Variants in MYBPC2 observed in about 807,000 individuals in gnomAD.
The protein encoded by MYBPC2 is myosin binding protein C2.
Under a neutral mutation model 137.0 loss-of-function variants are expected in MYBPC2, and 122 were observed. The ratio of observed to expected loss-of-function variants is 0.89; its 90% CI spans 0.77 to 1.03. The LOEUF (loss-of-function observed/expected upper bound fraction) is 1.03, where lower values mean the gene tolerates loss of function less well. Among genes scored for constraint, MYBPC2 ranks in the 50% least tolerant of loss-of-function variants. The pLI, the probability that MYBPC2 is intolerant of heterozygous loss-of-function variation, is 0.00. For synonymous variants in MYBPC2, 626 were observed against 612.3 expected, an observed-to-expected ratio of 1.02 and a Z score of -0.33; for missense variants, 1,500 against 1,534.4, an observed-to-expected ratio of 0.98 and a Z score of 0.37.
At chr19:50,461,808 T>G in intron 25 of MYBPC2, 92 bp from the exon 26 acceptor site, 6 of 1,582,310 alleles carry the variant, frequency 3.8e-6, no homozygotes, top group Non-Finnish European at 5.2e-6. Flanking sequence ...CGGCACCTAG[T>G]CATGGGAGAG....
In MYBPC2 at chr19:50,450,877, C is replaced by CTA. The variant is rs764445302; in HGVS notation, c.1522_1523dup (p.Phe510ArgfsTer54). Reference sequence around the variant, plus strand: ...ACGTCCGCCCCGAGGATGAGGGAGACTACACGTTTGTGCCTGACGGCTACG... The same window carrying CTA: ...ACGTCCGCCCCGAGGATGAGGGAGACTATACACGTTTGTGCCTGACGGCTACG... On this transcript the variant is annotated frameshift_variant, in exon 14 of 28. Transcript: ENST00000357701. LOFTEE classifies it high-confidence loss of function. 28 of 1,580,966 alleles carry CTA rather than the reference C, an allele frequency of 1.8e-5. No homozygotes were observed. The Middle Eastern group carries it at 5.0e-4, about 28-fold the overall frequency.
At chr19:50,442,339 C>A (rs372271481) in intron 9 of MYBPC2, 26 bp downstream of exon 9, 10 of 1,602,938 alleles carry the variant, frequency 6.2e-6, no homozygotes, top group Middle Eastern at 1.6e-4. Context: ...GCAGTCCCTG[C>A]ACCGGGGAGA....
chr19:50,448,069 G>A (rs1601288283), intron 12 of MYBPC2, among the ~76,000 whole-genome samples, 156 bp from the exon 13 acceptor site: 1 of 152,074 alleles, frequency 6.6e-6, no homozygotes, highest in Admixed American at 6.6e-5. Flanking sequence ...TCTCCCACTA[G>A]CATGGGAGCT....
chr19:50,452,532 C>CTATG (rs2039871154), intron 16 of MYBPC2, among the ~76,000 whole-genome samples: 1 of 151,496 alleles, frequency 6.6e-6, no homozygotes, highest in African/African-American at 2.4e-5. Context: ...ATCTATCTAT[C>CTATG]TATCTATGTA....
chr19:50,436,137 G>C lies in MYBPC2; in HGVS notation c.322G>C (p.Glu108Gln), dbSNP rs1270908165. 1.3e-6 allele frequency: 2 copies of C among 1,582,598 alleles called. No individual in the cohort carries two copies. The highest frequency in any genetic ancestry group is 2.3e-5 in the South Asian group (2 of 86,218). Residue 108 changes from glutamate (E) to glutamine (Q), a missense_variant, in exon 4 of 28, where the codon GAG (glutamate) becomes CAG (glutamine). Physicochemically the swap from Glu to Gln is conservative, Grantham distance 29. Transcript: ENST00000357701. ...SKSGARFSFK[E>Q]SHNSASNVYT... is the part of the protein sequence containing the mutation. ...GAGTGGCGCCCGCTTCTCCTTCAAG[G>C]AGTCCCACAACTCCGCCAGCAATGT...
intron 26 of MYBPC2, among the ~76,000 whole-genome samples, 160 bp downstream of exon 26, chr19:50,462,196 T>C (rs1249006635): frequency 2.0e-5 from 3 of 152,048 alleles, no homozygotes; most frequent in Non-Finnish European, 2.9e-5. Context: ...TTTGATTTTT[T>C]TTTTTTTTGA....
chr19:50,461,293 C>T (rs1051657482), intron 24 of MYBPC2, among the ~76,000 whole-genome samples: 5 of 152,200 alleles, frequency 3.3e-5, no homozygotes, highest in African/African-American at 9.6e-5. Context: ...GCATGAGCCA[C>T]GGTGCCTGAC....
chr19:50,452,546 A>G (rs1044097965), intron 16 of MYBPC2, among the ~76,000 whole-genome samples: 3 of 151,600 alleles, frequency 2.0e-5, no homozygotes, highest in Non-Finnish European at 2.9e-5. Context: ...CTATGTATCT[A>G]TCTATCTATC....
At position 50,462,663 on chromosome 19, in the gene MYBPC2, G is replaced by A. The variant is rs545439555; in HGVS notation, c.3228+627G>A. Among the ~76,000 whole-genome samples, 43 of 151,714 alleles carry A rather than the reference G, an allele frequency of 2.8e-4. No individual in the cohort carries two copies. The South Asian group carries it at 7.1e-3, about 25-fold the overall frequency. The stretch of plus-strand genomic sequence containing the variant: ...GGTGCGATCTTGGCTCACTGCAACC[G>A]CCTCCCAAGTTCAAGCGATTCTCCT... On this transcript the variant is annotated intron_variant, in intron 26 of 27. Transcript: ENST00000357701.
rs144932277 is a variant in MYBPC2 at position 50,435,487 on chromosome 19, G to A, written c.109+237G>A. 7.5e-3 allele frequency among the ~76,000 whole-genome samples: 1,146 copies of A among 152,274 alleles called. 18 individuals are homozygous for A. Among genetic ancestry groups the A allele is most frequent in the African/African-American group, 0.026 (1,093 of 41,544 alleles). On this transcript the variant is annotated intron_variant, in intron 2 of 27. Coordinates refer to ENST00000357701, the MANE Select transcript of MYBPC2 (RefSeq NM_004533.4). The surrounding 1 kb of genome is among the most constrained non-coding windows in gnomAD (Gnocchi z 4.8). Reference sequence around the variant, plus strand: ...AGCTGGCTGATTGATCACCAGGTCCGGCCCCGGTCTCTCTAAACCTCTCCC... The same window carrying A: ...AGCTGGCTGATTGATCACCAGGTCCAGCCCCGGTCTCTCTAAACCTCTCCC...
chr19:50,433,014 C>G (rs2122571185), intron 1 of MYBPC2, 42 bp downstream of exon 1: 1 of 1,554,672 alleles, frequency 6.4e-7, no homozygotes, highest in East Asian at 2.3e-5. Flanking sequence ...TGGGGCTCTT[C>G]TTTTCTGGAT....
At position 50,435,166 on chromosome 19, in the gene MYBPC2, A is replaced by C. The variant is rs776741299; in HGVS notation, c.25A>C (p.Lys9Gln). The change falls in exon 2 of 28, where the codon AAA (lysine) becomes CAA (glutamine). Residue 9 changes from lysine to glutamine, a missense_variant. By Grantham distance (53) the Lys-to-Gln change is moderately conservative. Transcript: ENST00000357701. The surrounding 1 kb of genome is among the most constrained non-coding windows in gnomAD (Gnocchi z 4.8). ...GACTGTCCCCTACCTTACAGCGGCC[A>C]AAAAGGCCCCCAAAGGCAAAGATGC... Reference protein sequence around the residue: MPEAKPAAKKAPKGKDAPK... With the variant: MPEAKPAAQKAPKGKDAPK... 1 of 1,315,682 alleles carries C rather than the reference A, an allele frequency of 7.6e-7. No homozygotes were observed. The allele number at this position is 1,315,682 out of a possible 1,614,324, so 81.5% of individuals were successfully genotyped here. A position where few individuals can be genotyped will look rare whatever the true frequency, so the allele number is the denominator to read the frequency against.
chr19:50,464,246 G>C (rs2039994482), intron 26 of MYBPC2, 100 bp from the exon 27 acceptor site: 1 of 1,057,398 alleles, frequency 9.5e-7, no homozygotes, highest in Admixed American at 2.6e-5. Context: ...GCAAGAGGGT[G>C]GCAGAGCCTA....
At position 50,454,284 on chromosome 19, in the gene MYBPC2, G is replaced by A. The variant is rs2039887871; in HGVS notation, c.1929G>A (p.Glu643=). Residue 643 remains glutamate (E), a synonymous_variant, in exon 18 of 28, where the codon GAG becomes GAA. Coordinates refer to ENST00000357701, the MANE Select transcript of MYBPC2 (RefSeq NM_004533.4). Reference sequence around the variant, plus strand: ...CTGCAGATGTCCCAGACCCCCCGGAGGCTGTGCGCATCACCTCGGTTGGAG... The same window carrying A: ...CTGCAGATGTCCCAGACCCCCCGGAAGCTGTGCGCATCACCTCGGTTGGAG... ...LQVVDVPDPP[E]AVRITSVGED... The A allele has an allele frequency of 6.2e-7, 1 of 1,613,978 alleles. No individual in the cohort carries two copies. The highest frequency in any genetic ancestry group is 1.3e-5 in the African/African-American group (1 of 75,036).
At position 50,458,742 on chromosome 19, in the gene MYBPC2, A is replaced by C. The variant is rs1334805675; in HGVS notation, c.2494A>C (p.Arg832=). The change falls in exon 21 of 28, where the codon AGG becomes CGG. Residue 832 remains arginine (R), a synonymous_variant. Coordinates refer to ENST00000357701, the MANE Select transcript of MYBPC2 (RefSeq NM_004533.4). ...PATLAQPVTI[R]EIAEPPKIRL... is the part of the protein sequence containing the mutation. Reference sequence around the variant, plus strand: ...CACCCTGGCCCAGCCGGTCACCATCAGGGAGATTGCGGGTGCGTGGCCCCT... The same window carrying C: ...CACCCTGGCCCAGCCGGTCACCATCCGGGAGATTGCGGGTGCGTGGCCCCT... The C allele has an allele frequency of 1.9e-6, 3 of 1,608,070 alleles. No individual in the cohort carries two copies. Among genetic ancestry groups the C allele is most frequent in the African/African-American group, 2.7e-5 (2 of 74,922 alleles).
intron 1 of MYBPC2, 103 bp downstream of exon 1, chr19:50,433,075 G>C: frequency 7.2e-7 from 1 of 1,382,248 alleles, no homozygotes; most frequent in Non-Finnish European, 9.6e-7. Flanking sequence ...AGGAACCTTC[G>C]CTGTGTGAGG....
chr19:50,435,932 C>G lies in MYBPC2; in HGVS notation c.196+70C>G. The G allele has an allele frequency of 6.5e-7, 1 of 1,548,192 alleles. No individual in the cohort carries two copies. ...GGTCTGAGGGAGGAGGGGCCAGGGT[C>G]TCGTTCTGTCTCCCTCTGGAGAGCC... On this transcript the variant is annotated intron_variant, in intron 3 of 27. Transcript: ENST00000357701. This position sits in a 1 kb window ranked among gnomAD's most constrained non-coding sequence, Gnocchi z 4.8.
rs140059790 is a variant in MYBPC2 at position 50,442,652 on chromosome 19, G to A, written c.902+339G>A. ...AGGCAGGAGGATCGCTTGAACCCAG[G>A]AGGCAAGAGGTTGCGGTTGCGGTGA... On this transcript the variant is annotated intron_variant, in intron 9 of 27. Coordinates refer to ENST00000357701, the MANE Select transcript of MYBPC2 (RefSeq NM_004533.4). Among the ~76,000 whole-genome samples, 504 of 152,028 alleles carry A rather than the reference G, an allele frequency of 3.3e-3. 2 individuals carry two copies. The highest frequency in any genetic ancestry group is 0.011 in the African/African-American group (466 of 41,478).
chr19:50,450,823 C>A lies in MYBPC2; in HGVS notation c.1473-6C>A. On this transcript the variant is annotated splice_region_variant and splice_polypyrimidine_tract_variant and intron_variant, in intron 13 of 27. Coordinates refer to ENST00000357701, the MANE Select transcript of MYBPC2 (RefSeq NM_004533.4). ...TCGAGCCCTACCCTGCTCCCCCACC[C>A]CTTAGGTTCCACAAGCTGGTGATCG... The A allele has an allele frequency of 6.4e-7, 1 of 1,559,584 alleles. No homozygotes were observed.
Sources: gnomAD v4.1 joint callset for allele counts (sites outside exome capture counted in the v4.1 genomes callset) on GRCh38, gnomAD v4.1.1 for gene constraint, Gnocchi (gnomAD v3.1) non-coding constraint, MANE v1.5 for transcripts, NCBI Gene and HGNC (gene_info 2026-07-23, HGNC 2026-07-21) for gene names.